The following PHF21A variants were observed in gnomAD, a reference collection of about 807,000 sequenced individuals.
PHF21A encodes the protein BHC80a.
A neutral mutation model predicts 82.5 loss-of-function variants in PHF21A; 11 were observed. That is an observed-to-expected ratio of 0.13 (90% CI 0.08 to 0.22). PHF21A has a LOEUF of 0.22. PHF21A is among the 10% of genes least tolerant of loss of function. The pLI, the probability that PHF21A is intolerant of heterozygous loss-of-function variation, is 1.00. For missense variants in PHF21A, 579 were observed against 837.8 expected, an observed-to-expected ratio of 0.69 and a Z score of 3.81; for synonymous variants, 297 against 302.8, an observed-to-expected ratio of 0.98 and a Z score of 0.20.
At chr11:46,047,181 C>T (rs934409610) in intron 6 of PHF21A, among the ~76,000 whole-genome samples, 1 of 152,144 alleles carries the variant, frequency 6.6e-6, no homozygotes, top group African/African-American at 2.4e-5. Context: ...GGTTACTTTG[C>T]TCTAGCTCTT....
Position 45,945,849 on chromosome 11 carries a change from G to C in PHF21A, c.1443C>G (p.Thr481=). Residue 481 remains threonine, a synonymous_variant, in exon 15 of 19, where the codon ACC becomes ACG. Coordinates refer to ENST00000676320, the MANE Select transcript of PHF21A (RefSeq NM_001352027.3). ...TTCCCAAGTTACTTACGTCTGTGGA[G>C]GTGGGGCTGGGCAGGGACACAGGCT... ...PVQPVSLPSP[T]STDGDIHEDF... is the part of the protein sequence containing the mutation. The C allele has an allele frequency of 6.3e-7, 1 of 1,578,446 alleles. No homozygotes were observed. Among genetic ancestry groups the C allele is most frequent in the Non-Finnish European group, 8.6e-7 (1 of 1,165,032 alleles).
rs530954150 is a variant in PHF21A, at chr11:46,049,190, C to CACAAACTA, written c.153+27556_153+27563dup. 3.3e-3 allele frequency among the ~76,000 whole-genome samples: 509 copies of CACAAACTA among 152,322 alleles called. 1 individual carries two copies. The highest frequency in any genetic ancestry group is 5.9e-3 in the Non-Finnish European group (399 of 68,026). ...AAGGCAATATAAACAGCTTTTTACACACAAACTAATGTTGTTCCCATCTCT... is the reference window on the plus strand; with the variant it reads ...AAGGCAATATAAACAGCTTTTTACACACAAACTAACAAACTAATGTTGTTCCCATCTCT... On this transcript the variant is annotated intron_variant, in intron 6 of 18. Transcript: ENST00000676320.
chr11:45,978,591 T>G (rs984303988), intron 7 of PHF21A, among the ~76,000 whole-genome samples: 1 of 152,166 alleles, frequency 6.6e-6, no homozygotes, highest in Admixed American at 6.5e-5. Flanking sequence ...AGACCTGGTG[T>G]TGGTTGTAAG....
At chr11:46,079,796 G>GA (rs2096768195) in intron 4 of PHF21A, among the ~76,000 whole-genome samples, 1 of 149,436 alleles carries the variant, frequency 6.7e-6, no homozygotes, top group African/African-American at 2.5e-5. Flanking sequence ...GAATGGAAAA[G>GA]ATCTTTACTA....
At chr11:45,962,004 G>A (rs1287088273) in intron 10 of PHF21A, among the ~76,000 whole-genome samples, 1 of 152,174 alleles carries the variant, frequency 6.6e-6, no homozygotes, top group African/African-American at 2.4e-5. Context: ...GGAAGGACAC[G>A]TGAGACCACT....
At chr11:46,036,858 T>C (rs946313639) in intron 6 of PHF21A, among the ~76,000 whole-genome samples, 4 of 152,178 alleles carry the variant, frequency 2.6e-5, no homozygotes, top group African/African-American at 4.8e-5. Context: ...GTTGTTTAAA[T>C]AGCATTTTTT....
At chr11:46,087,381 A>G (rs2130469) in intron 3 of PHF21A, among the ~76,000 whole-genome samples, 137,259 of 152,218 alleles carry the variant, frequency 0.9, 62,056 homozygotes, top group East Asian at 1. Flanking sequence ...TTTCTCCATC[A>G]GATTGTTGTC....
intron 6 of PHF21A, among the ~76,000 whole-genome samples, chr11:46,056,735 AT>A (rs2096463090): frequency 6.6e-6 from 1 of 152,142 alleles, no homozygotes; most frequent in Non-Finnish European, 1.5e-5. Context: ...TTTATTTCAC[AT>A]TTGCTGCTGC....
At chr11:46,026,645 TC>T (rs1433110939) in intron 6 of PHF21A, among the ~76,000 whole-genome samples, 1 of 151,712 alleles carries the variant, frequency 6.6e-6, no homozygotes, top group African/African-American at 2.4e-5. Flanking sequence ...AAAAAAAAAA[TC>T]CTTTAAAGTC....
chr11:45,955,047 G>GT (rs376651509), intron 10 of PHF21A, among the ~76,000 whole-genome samples: 203 of 152,302 alleles, frequency 1.3e-3, no homozygotes, highest in African/African-American at 4.6e-3. Context: ...GTGGCAACCA[G>GT]TGCTCTGGGG....
rs2087890569 is a variant in PHF21A, at chr11:45,933,182, G to A, written c.*786C>T. 6.6e-6 allele frequency: 1 copy of A among 152,590 alleles called. No homozygotes were observed. The highest frequency in any genetic ancestry group is 2.4e-5 in the African/African-American group (1 of 41,460). The allele number at this position is 152,590 out of a possible 1,614,324, so 9.5% of individuals were successfully genotyped here. On this transcript the variant is annotated 3_prime_UTR_variant, in exon 19 of 19. Transcript: ENST00000676320. The stretch of plus-strand genomic sequence containing the variant: ...GCCTTGGGCAAGGGCCAGTGGCCCG[G>A]GCTCTGCTTGTTCTTGGAGAGGAGA...
At chr11:46,105,378 A>T (rs984733956) in intron 1 of PHF21A, among the ~76,000 whole-genome samples, 1 of 152,160 alleles carries the variant, frequency 6.6e-6, no homozygotes. Flanking sequence ...ACAGGCACAC[A>T]GGACATGCCC....
At chr11:46,097,601 GAAT>G (rs2097019125) in intron 1 of PHF21A, among the ~76,000 whole-genome samples, 1 of 152,128 alleles carries the variant, frequency 6.6e-6, no homozygotes, top group Non-Finnish European at 1.5e-5. Flanking sequence ...CTTATAACAA[GAAT>G]AATACCTTTT....
chr11:45,991,947 G>A (rs769572671), intron 6 of PHF21A, among the ~76,000 whole-genome samples: 1 of 152,006 alleles, frequency 6.6e-6, no homozygotes, highest in Non-Finnish European at 1.5e-5. Context: ...GTAAACTGAT[G>A]ATTACATTTT....
intron 14 of PHF21A, 29 bp downstream of exon 14, chr11:45,948,857 G>GC (rs1264720783): frequency 6.3e-7 from 1 of 1,574,970 alleles, no homozygotes; most frequent in East Asian, 2.2e-5. Flanking sequence ...AGCAACAGCA[G>GC]CAAGGGAGAG....
intron 6 of PHF21A, among the ~76,000 whole-genome samples, chr11:46,042,599 T>C (rs1403340460): frequency 6.6e-6 from 1 of 152,112 alleles, no homozygotes. Flanking sequence ...TAGGACATGG[T>C]GCTAGATCTG....
chr11:46,102,802 T>C (rs1357782337), intron 1 of PHF21A, among the ~76,000 whole-genome samples: 1 of 152,214 alleles, frequency 6.6e-6, no homozygotes, highest in Non-Finnish European at 1.5e-5. Flanking sequence ...GGGCCCAAAG[T>C]AGGGGGTATC....
chr11:45,960,966 G>A (rs774203517), intron 10 of PHF21A, among the ~76,000 whole-genome samples: 2 of 152,162 alleles, frequency 1.3e-5, no homozygotes, highest in Non-Finnish European at 2.9e-5. Flanking sequence ...TCCTTGAGAT[G>A]AAGCATATTA....
chr11:45,953,703 G>T, intron 10 of PHF21A, 78 bp from the exon 11 acceptor site: 1 of 833,648 alleles, frequency 1.2e-6, no homozygotes, highest in Non-Finnish European at 2.0e-6. Flanking sequence ...TTTAATAGTA[G>T]TAGTCAAGAA....
Sources: gnomAD v4.1 joint callset for allele counts (sites outside exome capture counted in the v4.1 genomes callset) on GRCh38, gnomAD v4.1.1 for gene constraint, MANE v1.5 for transcripts, NCBI Gene and HGNC (gene_info 2026-07-23, HGNC 2026-07-21) for gene names.